The following PLD1 variants were observed in gnomAD, a reference collection of about 807,000 sequenced individuals.
The protein encoded by PLD1 is phospholipase D1, also known as choline phosphatase 1.
PLD1 carries 112 observed loss-of-function variants against 137.1 expected under a neutral mutation model. The observed-to-expected ratio is 0.82, with a 90% CI of 0.70 to 0.96. The LOEUF is 0.96. PLD1 is among the 40% of genes least tolerant of loss of function. The pLI is 0.00. For synonymous variants in PLD1, 431 were observed against 454.7 expected (o/e 0.95, Z 0.66); for missense variants, 1,321 against 1,342.0 (o/e 0.98, Z 0.24).
intron 14 of PLD1, among the ~76,000 whole-genome samples, chr3:171,688,367 T>C (rs964308205): frequency 5.9e-5 from 9 of 152,216 alleles, no homozygotes; most frequent in Admixed American, 1.3e-4. Context: ...ATGAATCTTA[T>C]TTCTGAATAA....
intron 21 of PLD1, among the ~76,000 whole-genome samples, chr3:171,650,808 G>A (rs557495971): frequency 6.6e-6 from 1 of 152,176 alleles, no homozygotes; most frequent in South Asian, 2.1e-4. Context: ...TGAGGCAGGA[G>A]AATGGCGTGA....
rs1712162266 is a variant in PLD1, at chr3:171,666,474, T to A, written c.2230-4304A>T. On this transcript the variant is annotated intron_variant, in intron 19 of 26. Transcript: ENST00000351298. Reference sequence around the variant, plus strand: ...CTCCCACTGGGTCCCTCCCATGACATGTGGGGGATTATTACAACTCAAGGT... The same window carrying A: ...CTCCCACTGGGTCCCTCCCATGACAAGTGGGGGATTATTACAACTCAAGGT... Among the ~76,000 whole-genome samples, 4 of 152,262 alleles carry A rather than the reference T, an allele frequency of 2.6e-5. No individual in the cohort carries two copies. The South Asian group carries it at 8.3e-4, about 32-fold the overall frequency.
At chr3:171,759,521 T>C (rs1173939868) in intron 1 of PLD1, among the ~76,000 whole-genome samples, 3 of 152,178 alleles carry the variant, frequency 2.0e-5, no homozygotes, top group Admixed American at 1.3e-4. Flanking sequence ...AACTTGATGG[T>C]TAGCGGGTAA....
chr3:171,651,675 A>G (rs923876841), intron 21 of PLD1, among the ~76,000 whole-genome samples: 6 of 152,222 alleles, frequency 3.9e-5, no homozygotes, highest in African/African-American at 1.4e-4. Context: ...TTCAAACATA[A>G]GAATGCTGAG....
At chr3:171,770,297 A>G (rs553607262) in intron 1 of PLD1, among the ~76,000 whole-genome samples, 325 of 152,340 alleles carry the variant, frequency 2.1e-3, no homozygotes, top group Admixed American at 3.5e-3. Context: ...ATCCACCTGT[A>G]CATTCTGCCT....
Position 171,688,742 on chromosome 3 carries a change from C to T in PLD1, c.1473G>A (p.Glu491=), listed in dbSNP as rs1392832578. 6.2e-7 allele frequency: 1 copy of T among 1,614,044 alleles called. No homozygotes were observed. The highest frequency in any genetic ancestry group is 8.5e-7 in the Non-Finnish European group (1 of 1,180,008). Residue 491 remains glutamate, a synonymous_variant, in exon 14 of 27, where the codon GAG becomes GAA. Coordinates refer to ENST00000351298, the MANE Select transcript of PLD1 (RefSeq NM_002662.5). ...DLAYGRWDDN[E]HRLTDVGSVK... ...CACTGCCCACGTCTGTGAGTCTGTGCTCATTGTCGTCCCACCTTCCATAGG... is the reference window on the plus strand; with the variant it reads ...CACTGCCCACGTCTGTGAGTCTGTGTTCATTGTCGTCCCACCTTCCATAGG...
intron 26 of PLD1, among the ~76,000 whole-genome samples, chr3:171,603,647 T>C (rs1288470368): frequency 6.6e-6 from 1 of 152,226 alleles, no homozygotes; most frequent in Non-Finnish European, 1.5e-5. Flanking sequence ...ATATTTTCCC[T>C]AACTTTTCTT....
At chr3:171,805,399 A>G (rs1723805763) in intron 1 of PLD1, among the ~76,000 whole-genome samples, 1 of 152,210 alleles carries the variant, frequency 6.6e-6, no homozygotes, top group Non-Finnish European at 1.5e-5. Flanking sequence ...TTAGCAGATT[A>G]GCTCTAGTAT....
intron 8 of PLD1, among the ~76,000 whole-genome samples, chr3:171,719,720 CT>C (rs1372760308): frequency 3.9e-5 from 6 of 152,166 alleles, no homozygotes; most frequent in Non-Finnish European, 7.3e-5. Flanking sequence ...ACATAAGAAA[CT>C]TAACTTACGA....
chr3:171,689,703 T>C (rs1229909969), intron 13 of PLD1, among the ~76,000 whole-genome samples: 1 of 152,176 alleles, frequency 6.6e-6, no homozygotes, highest in Non-Finnish European at 1.5e-5. Context: ...TGTCTTGCTA[T>C]GTTGCTAATG....
chr3:171,705,863 A>G (rs1716639056), intron 11 of PLD1, among the ~76,000 whole-genome samples: 1 of 152,214 alleles, frequency 6.6e-6, no homozygotes, highest in Admixed American at 6.5e-5. Context: ...ATAGCTCACA[A>G]GCCAAATGTT....
intron 23 of PLD1, among the ~76,000 whole-genome samples, chr3:171,639,818 A>ATT (rs1324676642): frequency 3.0e-5 from 3 of 101,030 alleles, no homozygotes; most frequent in Admixed American, 2.4e-4. Context: ...TATTTACATA[A>ATT]TTTCTCTCTC....
chr3:171,795,377 A>G (rs1427649982), intron 1 of PLD1, among the ~76,000 whole-genome samples: 2 of 152,216 alleles, frequency 1.3e-5, no homozygotes, highest in Non-Finnish European at 2.9e-5. Flanking sequence ...TGCTGAGTGC[A>G]TTTCATAAAA....
At position 171,734,976 on chromosome 3, in the gene PLD1, A is replaced by T. The variant is rs771167427; in HGVS notation, c.435-6T>A. The T allele has an allele frequency of 2.6e-6, 4 of 1,524,576 alleles. No individual in the cohort carries two copies. The African/African-American group carries it at 4.1e-5, about 16-fold the overall frequency. 94.4% of individuals were successfully genotyped at this position (1,524,576 alleles called of 1,614,324 possible). On this transcript the variant is annotated splice_region_variant and splice_polypyrimidine_tract_variant and intron_variant, in intron 4 of 26. Transcript: ENST00000351298. ...TTTGCCTCCTAAACGTGTGTCTAAAACACAAACACACAGAATGCAAACACC... is the reference window on the plus strand; with the variant it reads ...TTTGCCTCCTAAACGTGTGTCTAAATCACAAACACACAGAATGCAAACACC...
At chr3:171,722,771 C>T (rs143757589) in intron 8 of PLD1, among the ~76,000 whole-genome samples, 139 of 152,140 alleles carry the variant, frequency 9.1e-4, no homozygotes, top group African/African-American at 3.3e-3. Flanking sequence ...GTTGTGCAAC[C>T]GGCACTACCG....
rs1290241650 is a variant in PLD1 at position 171,665,966 on chromosome 3, TG to T, written c.2230-3797del. Among the ~76,000 whole-genome samples, 14 of 152,346 alleles carry T rather than the reference TG, an allele frequency of 9.2e-5. No individual in the cohort carries two copies. In the South Asian group the frequency reaches 2.9e-3, roughly 32 times the overall value. ...CAAGCAACACATGAAGAAAATCACT[TG>T]GGATTGTTATTCATTTACTACTATT... On this transcript the variant is annotated intron_variant, in intron 19 of 26. Coordinates refer to ENST00000351298, the MANE Select transcript of PLD1 (RefSeq NM_002662.5).
rs1385248029 is a variant in PLD1, at chr3:171,726,089, A to G, written c.607-13T>C. On this transcript the variant is annotated splice_polypyrimidine_tract_variant and intron_variant, in intron 6 of 26. Transcript: ENST00000351298. ...CAAGAAACTCTGTCTGAAAAGAAGC[A>G]AAAAATCCATCTTTAGCAAGCAAAA... is the stretch of plus-strand genomic sequence containing the variant. 5 of 1,596,340 alleles carry G rather than the reference A, an allele frequency of 3.1e-6. No individual in the cohort carries two copies. The highest frequency in any genetic ancestry group is 4.3e-6 in the Non-Finnish European group (5 of 1,163,938).
rs71178233 is a variant in PLD1, at chr3:171,737,661, TAA to T, written c.161-4_161-3del. On this transcript the variant is annotated splice_polypyrimidine_tract_variant and splice_region_variant and intron_variant, in intron 2 of 26. Coordinates refer to ENST00000351298, the MANE Select transcript of PLD1 (RefSeq NM_002662.5). ...AAATAGCAGAGAAAGGGATATACAC[TAA>T]AAAAAAAAGTAAATAAAGTTAATGC... 2.7e-5 allele frequency: 34 copies of T among 1,271,552 alleles called. No individual in the cohort carries two copies. Among genetic ancestry groups the T allele is most frequent in the Non-Finnish European group, 3.1e-5 (29 of 933,090 alleles). The allele number at this position is 1,271,552 out of a possible 1,614,324, so 78.8% of individuals were successfully genotyped here. A position where few individuals can be genotyped will look rare whatever the true frequency, so the allele number is the denominator to read the frequency against.
rs770267182 is a variant in PLD1, at chr3:171,676,806, C to T, written c.2024G>A (p.Arg675Gln). The change falls in exon 18 of 27, where the codon CGG becomes CAG. Residue 675 changes from arginine to glutamine, a missense_variant. Transcript: ENST00000351298. ...ADFIDRYSTP[R>Q]MPWHDIASAV... is the part of the protein sequence containing the mutation. Reference sequence around the variant, plus strand: ...AGAGGCAATGTCATGCCAGGGCATCCGGGGCGTGGAGTACCTGTCAATGAA... The same window carrying T: ...AGAGGCAATGTCATGCCAGGGCATCTGGGGCGTGGAGTACCTGTCAATGAA... The T allele has an allele frequency of 3.3e-5, 54 of 1,613,992 alleles. No homozygotes were observed. Among genetic ancestry groups the T allele is most frequent in the East Asian group, 4.5e-5 (2 of 44,890 alleles).
Sources: allele counts gnomAD v4.1 joint callset (sites outside exome capture counted in the v4.1 genomes callset), GRCh38; gene constraint gnomAD v4.1.1; transcripts MANE v1.5; gene names NCBI Gene and HGNC (gene_info 2026-07-23, HGNC 2026-07-21).